The following DACH1 variants were observed in gnomAD, a reference collection of about 807,000 sequenced individuals.
DACH1 encodes dachshund family transcription factor 1.
A neutral mutation model predicts 54.2 loss-of-function variants in DACH1; 12 were observed. The observed-to-expected ratio is 0.22, with a 90% CI of 0.14 to 0.36. The LOEUF (loss-of-function observed/expected upper bound fraction) is 0.36, where lower values mean the gene tolerates loss of function less well. Among genes scored for constraint, DACH1 ranks in the 10% least tolerant of loss-of-function variants. The probability of loss-of-function intolerance (pLI) is 1.00; values close to 1 mark genes in which losing one functional copy is unlikely to be tolerated. For synonymous variants in DACH1, 386 were observed against 366.2 expected (o/e 1.05, Z -0.62); for missense variants, 805 against 929.8 (o/e 0.87, Z 1.75).
chr13:71,664,319 C>A (rs2138660233), intron 2 of DACH1, among the ~76,000 whole-genome samples: 1 of 152,062 alleles, frequency 6.6e-6, no homozygotes, highest in African/African-American at 2.4e-5. Flanking sequence ...GCTATAGGTT[C>A]ATTTTTCTAT....
In DACH1 at chr13:71,549,028, T is replaced by C. The variant is rs182208745; in HGVS notation, c.1570+7996A>G. 3.6e-4 allele frequency among the ~76,000 whole-genome samples: 55 copies of C among 152,138 alleles called. 1 individual carries two copies. The East Asian group carries it at 0.01, about 28-fold the overall frequency. ...AACCTTCCTCTGTAGATCACTTCCA[T>C]ACTAGACTATGCAAACTATCAACTG... On this transcript the variant is annotated intron_variant, in intron 6 of 10. Coordinates refer to ENST00000613252, the MANE Select transcript of DACH1 (RefSeq NM_080759.6).
intron 1 of DACH1, among the ~76,000 whole-genome samples, chr13:71,708,548 C>T (rs1257905384): frequency 1.3e-5 from 2 of 151,878 alleles, no homozygotes; most frequent in Non-Finnish European, 2.9e-5. Flanking sequence ...AAACTGCTAC[C>T]CTTTCTTGTA....
chr13:71,504,032 A>G (rs1880124767), intron 6 of DACH1, among the ~76,000 whole-genome samples: 2 of 152,166 alleles, frequency 1.3e-5, no homozygotes, highest in East Asian at 1.9e-4. Flanking sequence ...CTCAGAGCAT[A>G]AAAACATAAT....
intron 1 of DACH1, among the ~76,000 whole-genome samples, chr13:71,852,001 G>A (rs569996015): frequency 3.3e-5 from 5 of 152,290 alleles, no homozygotes; most frequent in South Asian, 2.1e-4. Context: ...TTTACATGGC[G>A]AGAGTACCAA....
intron 6 of DACH1, among the ~76,000 whole-genome samples, chr13:71,515,005 G>A (rs540236353): frequency 6.6e-6 from 1 of 151,908 alleles, no homozygotes; most frequent in East Asian, 1.9e-4. Flanking sequence ...ATTATAAATG[G>A]TTAGGTTTTT....
chr13:71,620,399 T>C (rs1876136441), intron 3 of DACH1, among the ~76,000 whole-genome samples: 1 of 151,988 alleles, frequency 6.6e-6, no homozygotes, highest in Non-Finnish European at 1.5e-5. Flanking sequence ...ATGAGTAAAA[T>C]GAAAACTATT....
At chr13:71,560,148 T>C (rs911106282) in intron 4 of DACH1, among the ~76,000 whole-genome samples, 193 bp from the exon 5 acceptor site, 1 of 152,170 alleles carries the variant, frequency 6.6e-6, no homozygotes. Context: ...AGATGGTCTA[T>C]GAAACTATGG....
chr13:71,529,183 G>GTTTTTTTTTTGTTTGT (rs1299574030), intron 6 of DACH1, among the ~76,000 whole-genome samples: 4 of 80,982 alleles, frequency 4.9e-5, no homozygotes, highest in African/African-American at 1.7e-4. Context: ...TGTGATTTGG[G>GTTTTTTTTTTGTTTGT]TTTTTTTTTT....
intron 6 of DACH1, 75 bp from the exon 7 acceptor site, chr13:71,489,223 C>T: frequency 6.8e-7 from 1 of 1,473,194 alleles, no homozygotes; most frequent in Non-Finnish European, 9.1e-7. Context: ...AATGGCTTCC[C>T]TAGTGGTTTC....
chr13:71,769,955 T>C (rs1202723855), intron 1 of DACH1, among the ~76,000 whole-genome samples: 1 of 151,748 alleles, frequency 6.6e-6, no homozygotes, highest in Non-Finnish European at 1.5e-5. Context: ...AGGCAAGCTC[T>C]AATACATTAT....
intron 1 of DACH1, among the ~76,000 whole-genome samples, chr13:71,818,781 G>A (rs1888065879): frequency 6.6e-6 from 1 of 152,364 alleles, no homozygotes; most frequent in Middle Eastern, 3.4e-3. Context: ...CTCCTTTGGA[G>A]TGTGGACAAT....
At chr13:71,449,964 A>G (rs1183469892) in intron 10 of DACH1, among the ~76,000 whole-genome samples, 3 of 151,634 alleles carry the variant, frequency 2.0e-5, no homozygotes, top group Admixed American at 2.0e-4. Flanking sequence ...GATATACCTA[A>G]TGTTAAATGA....
At chr13:71,525,117 C>T (rs1291471535) in intron 6 of DACH1, among the ~76,000 whole-genome samples, 2 of 152,040 alleles carry the variant, frequency 1.3e-5, no homozygotes, top group East Asian at 1.9e-4. Flanking sequence ...GCCTTTGCTT[C>T]GCTTTAATAA....
At chr13:71,681,771 G>T in intron 2 of DACH1, 24 bp downstream of exon 2, 1 of 1,540,116 alleles carries the variant, frequency 6.5e-7, no homozygotes, top group Non-Finnish European at 8.9e-7. Flanking sequence ...AATATTTTTT[G>T]GCATAAGTGA....
chr13:71,722,956 G>A (rs1380028970), intron 1 of DACH1, among the ~76,000 whole-genome samples: 1 of 152,068 alleles, frequency 6.6e-6, no homozygotes, highest in East Asian at 1.9e-4. Flanking sequence ...CTGTTATTTG[G>A]AGACTTTGTA....
rs543094988 is a variant in DACH1 at position 71,796,013 on chromosome 13, T to A, written c.848+69909A>T. 2.6e-5 allele frequency among the ~76,000 whole-genome samples: 4 copies of A among 152,188 alleles called. No homozygotes were observed. The South Asian group carries it at 8.3e-4, about 32-fold the overall frequency. On this transcript the variant is annotated intron_variant, in intron 1 of 10. Transcript: ENST00000613252. Reference sequence around the variant, plus strand: ...TTCCAAGCAAGGCTGTAGACTTCTGTTTTCCCAAGAGCTTTAAGAAGGAAG... The same window carrying A: ...TTCCAAGCAAGGCTGTAGACTTCTGATTTCCCAAGAGCTTTAAGAAGGAAG...
intron 1 of DACH1, among the ~76,000 whole-genome samples, chr13:71,836,675 G>A (rs1347277680): frequency 2.0e-5 from 3 of 151,980 alleles, no homozygotes; most frequent in Admixed American, 2.0e-4. Context: ...AAATGCCTTT[G>A]AGCTCTTCAT....
chr13:71,571,789 G>T (rs1033895575), intron 4 of DACH1, among the ~76,000 whole-genome samples: 28 of 148,444 alleles, frequency 1.9e-4, no homozygotes, highest in African/African-American at 7.0e-4. Context: ...AGGCTGGAGT[G>T]CAGTGGCACG....
intron 1 of DACH1, among the ~76,000 whole-genome samples, chr13:71,746,891 G>C (rs949436481): frequency 6.6e-5 from 10 of 152,080 alleles, no homozygotes; most frequent in African/African-American, 2.4e-4. Flanking sequence ...ATACAATGTG[G>C]TAAATATTTC....
Sources: gnomAD v4.1 joint callset for allele counts (sites outside exome capture counted in the v4.1 genomes callset) on GRCh38, gnomAD v4.1.1 for gene constraint, MANE v1.5 for transcripts, NCBI Gene and HGNC (gene_info 2026-07-23, HGNC 2026-07-21) for gene names.